CCDC192: variants seen among roughly 807,000 people sequenced by gnomAD.
CCDC192 encodes the protein coiled-coil domain-containing protein 192.
chr5:127,728,287 G>A (rs1264081841), intron 2 of CCDC192, among the ~76,000 whole-genome samples: 1 of 152,126 alleles, frequency 6.6e-6, no homozygotes, highest in Non-Finnish European at 1.5e-5. Context: ...GTTAAGGGCA[G>A]CCAGAGAGAA....
At chr5:127,764,818 CTG>C (rs1268288443) in intron 3 of CCDC192, among the ~76,000 whole-genome samples, 1 of 152,090 alleles carries the variant, frequency 6.6e-6, no homozygotes. Flanking sequence ...CCATGCCATC[CTG>C]GGCCACATGT....
intron 5 of CCDC192, among the ~76,000 whole-genome samples, chr5:127,839,999 T>C (rs1356413362): frequency 6.6e-6 from 1 of 152,168 alleles, no homozygotes; most frequent in Non-Finnish European, 1.5e-5. Flanking sequence ...CAGAAGAGCA[T>C]ATGACACTTA....
At chr5:127,710,531 C>T (rs1383997916) in intron 2 of CCDC192, among the ~76,000 whole-genome samples, 1 of 152,046 alleles carries the variant, frequency 6.6e-6, no homozygotes, top group Non-Finnish European at 1.5e-5. Flanking sequence ...GTAAACTGTG[C>T]ATTCCTAGAG....
chr5:127,818,036 A>G (rs1244660961), intron 5 of CCDC192, among the ~76,000 whole-genome samples: 1 of 152,208 alleles, frequency 6.6e-6, no homozygotes, highest in Non-Finnish European at 1.5e-5. Context: ...TACTATCAGA[A>G]GAGTCTTCAG....
chr5:127,715,449 G>A (rs945107835), intron 2 of CCDC192, among the ~76,000 whole-genome samples: 1 of 152,052 alleles, frequency 6.6e-6, no homozygotes, highest in African/African-American at 2.4e-5. Flanking sequence ...GTGGATTTCT[G>A]TATTTTATGC....
At chr5:127,798,413 A>C (rs1757295281) in intron 5 of CCDC192, among the ~76,000 whole-genome samples, 1 of 152,196 alleles carries the variant, frequency 6.6e-6, no homozygotes, top group African/African-American at 2.4e-5. Flanking sequence ...TATCAGAAGA[A>C]GAGAACTGGA....
chr5:127,839,487 T>A (rs1249331478), intron 5 of CCDC192, among the ~76,000 whole-genome samples: 2 of 152,242 alleles, frequency 1.3e-5, no homozygotes, highest in Non-Finnish European at 2.9e-5. Context: ...TTCAGGTGAT[T>A]TATAATTCTT....
At chr5:127,854,339 T>G (rs1185634087) in intron 5 of CCDC192, among the ~76,000 whole-genome samples, 1 of 152,200 alleles carries the variant, frequency 6.6e-6, no homozygotes, top group African/African-American at 2.4e-5. Context: ...ACCCCCTTAT[T>G]TACGGTTGCG....
intron 2 of CCDC192, among the ~76,000 whole-genome samples, chr5:127,744,461 G>A (rs1753623526): frequency 6.6e-6 from 1 of 152,168 alleles, no homozygotes; most frequent in Non-Finnish European, 1.5e-5. Context: ...GTACCACTGA[G>A]CAGGGGCTGC....
intron 2 of CCDC192, among the ~76,000 whole-genome samples, chr5:127,749,801 G>T (rs1754023384): frequency 6.6e-6 from 1 of 152,114 alleles, no homozygotes; most frequent in Admixed American, 6.5e-5. Flanking sequence ...TCCTGTTATT[G>T]GTCTATTCAG....
chr5:127,906,950 T>C (rs542260495), intron 6 of CCDC192, among the ~76,000 whole-genome samples: 1 of 152,234 alleles, frequency 6.6e-6, no homozygotes, highest in Admixed American at 6.5e-5. Flanking sequence ...TACATTCTTA[T>C]CAGCAGTGCA....
chr5:127,856,961 G>A (rs1184601575), intron 5 of CCDC192, among the ~76,000 whole-genome samples: 1 of 152,192 alleles, frequency 6.6e-6, no homozygotes, highest in Admixed American at 6.5e-5. Flanking sequence ...ATGTGACAAA[G>A]TTAGCACGTG....
chr5:127,876,275 G>A (rs911214417), intron 6 of CCDC192, among the ~76,000 whole-genome samples: 2 of 151,998 alleles, frequency 1.3e-5, no homozygotes, highest in Non-Finnish European at 2.9e-5. Flanking sequence ...CCAAATCTCA[G>A]ACTGTAATTT....
intron 3 of CCDC192, among the ~76,000 whole-genome samples, chr5:127,773,089 G>C (rs909923223): frequency 6.6e-6 from 1 of 152,084 alleles, no homozygotes; most frequent in Non-Finnish European, 1.5e-5. Flanking sequence ...AGTTTACTAG[G>C]AGAAAAATAT....
intron 6 of CCDC192, among the ~76,000 whole-genome samples, chr5:127,915,887 G>A (rs757252735): frequency 1.3e-5 from 2 of 152,204 alleles, no homozygotes; most frequent in East Asian, 3.8e-4. Flanking sequence ...GGTGGTGGCG[G>A]CTGAAGGTCT....
intron 5 of CCDC192, among the ~76,000 whole-genome samples, chr5:127,827,262 G>C (rs1749574854): frequency 6.6e-6 from 1 of 152,160 alleles, no homozygotes; most frequent in South Asian, 2.1e-4. Context: ...AGAGTAAAGG[G>C]AGTAAAGGCT....
chr5:127,897,214 T>C (rs992967350), intron 6 of CCDC192, among the ~76,000 whole-genome samples: 1 of 152,152 alleles, frequency 6.6e-6, no homozygotes, highest in Non-Finnish European at 1.5e-5. Flanking sequence ...TCCTACATTA[T>C]ATCAGAATCA....
At chr5:127,819,713 CAT>C (rs1749195842) in intron 5 of CCDC192, among the ~76,000 whole-genome samples, 1 of 152,102 alleles carries the variant, frequency 6.6e-6, no homozygotes, top group East Asian at 1.9e-4. Context: ...GAAATCCTTT[CAT>C]GAAGAAGTTT....
chr5:127,719,558 TAC>T (rs372022175), intron 2 of CCDC192, among the ~76,000 whole-genome samples: 311 of 20,826 alleles, frequency 0.015, 11 homozygotes, highest in African/African-American at 0.027. Context: ...TATATATATA[TAC>T]ACACATACAT....
Sources: gnomAD v4.1 joint callset for allele counts (sites outside exome capture counted in the v4.1 genomes callset) on GRCh38, gnomAD v4.1.1 for gene constraint, MANE v1.5 for transcripts, NCBI Gene and HGNC (gene_info 2026-07-23, HGNC 2026-07-21) for gene names.